Variants in ANK3 observed in about 807,000 individuals in gnomAD.
ANK3 encodes ankyrin 3, also known as ankyrin-3.
A neutral mutation model predicts 370.9 loss-of-function variants in ANK3; 57 were observed. That is an observed-to-expected ratio of 0.15 (90% CI 0.12 to 0.19). The LOEUF (loss-of-function observed/expected upper bound fraction) is 0.19. ANK3 is among the 10% of genes least tolerant of loss of function. ANK3 has a pLI of 1.00. For synonymous variants in ANK3, 1,929 were observed against 1,946.3 expected (o/e 0.99, Z 0.23); for missense variants, 4,439 against 5,302.1 (o/e 0.84, Z 5.06).
At chr10:60,344,546 G>A (rs1037829341) in intron 1 of ANK3, among the ~76,000 whole-genome samples, 3 of 152,162 alleles carry the variant, frequency 2.0e-5, no homozygotes, top group Non-Finnish European at 2.9e-5. Context: ...GTATTCCCAC[G>A]CACACGGGCC....
At chr10:60,646,167 A>C (rs534547669) in intron 1 of ANK3, among the ~76,000 whole-genome samples, 2 of 151,452 alleles carry the variant, frequency 1.3e-5, no homozygotes, top group Non-Finnish European at 2.9e-5. Context: ...GAAAAAAAAG[A>C]AAAAAAAAGC....
chr10:60,440,406 T>C (rs1052633004), intron 2 of ANK3, among the ~76,000 whole-genome samples: 3 of 152,082 alleles, frequency 2.0e-5, no homozygotes, highest in Non-Finnish European at 4.4e-5. Flanking sequence ...GGCATCTTCT[T>C]CACAAGGCAG....
In ANK3 at chr10:60,336,508, G is replaced by T. The variant is rs2052930786; in HGVS notation, c.114+52917C>A. 2.6e-5 allele frequency among the ~76,000 whole-genome samples: 4 copies of T among 152,072 alleles called. No individual in the cohort carries two copies. The South Asian group carries it at 8.3e-4, about 32-fold the overall frequency. On this transcript the variant is annotated intron_variant, in intron 1 of 43. Transcript: ENST00000280772. The stretch of plus-strand genomic sequence containing the variant: ...CACAAACACATATACACACAGAAAA[G>T]CACAATGCCAAAATGGTCATAGTAG...
intron 18 of ANK3, among the ~76,000 whole-genome samples, chr10:60,174,370 T>C (rs918778566): frequency 1.3e-5 from 2 of 152,178 alleles, no homozygotes; most frequent in African/African-American, 4.8e-5. Context: ...CGCTACTGAA[T>C]ACACGATGGA....
intron 1 of ANK3, among the ~76,000 whole-genome samples, chr10:60,328,007 A>T (rs1180844379): frequency 6.6e-6 from 1 of 152,176 alleles, no homozygotes; most frequent in Non-Finnish European, 1.5e-5. Flanking sequence ...CATCAATTAA[A>T]TAAACTCTTT....
intron 1 of ANK3, among the ~76,000 whole-genome samples, chr10:60,730,913 A>G (rs1454957199): frequency 6.6e-6 from 1 of 152,226 alleles, no homozygotes; most frequent in African/African-American, 2.4e-5. Flanking sequence ...TAAAAGTGTC[A>G]GATAGTTGGA....
intron 1 of ANK3, among the ~76,000 whole-genome samples, chr10:60,285,915 T>C (rs942144871): frequency 1.3e-5 from 2 of 152,266 alleles, no homozygotes; most frequent in African/African-American, 4.8e-5. Flanking sequence ...AACTCTCTGA[T>C]TACCTTTTTT....
chr10:60,561,745 C>A (rs2077339664), intron 2 of ANK3, among the ~76,000 whole-genome samples: 1 of 152,178 alleles, frequency 6.6e-6, no homozygotes, highest in African/African-American at 2.4e-5. Context: ...CAAGGCCTTT[C>A]CCAAGCCATT....
intron 1 of ANK3, among the ~76,000 whole-genome samples, chr10:60,685,545 T>G (rs1411332088): frequency 1.3e-5 from 2 of 152,214 alleles, no homozygotes; most frequent in Non-Finnish European, 2.9e-5. Flanking sequence ...TGCTGAAGAT[T>G]TACAACAGGT....
chr10:60,322,256 T>G (rs2048835803), intron 1 of ANK3, among the ~76,000 whole-genome samples: 1 of 152,186 alleles, frequency 6.6e-6, no homozygotes, highest in Non-Finnish European at 1.5e-5. Flanking sequence ...CTGTTAAAAT[T>G]TCTTTAGTAC....
intron 1 of ANK3, among the ~76,000 whole-genome samples, chr10:60,366,387 A>G (rs904805773): frequency 1.3e-5 from 2 of 152,098 alleles, no homozygotes; most frequent in African/African-American, 4.8e-5. Context: ...TTAAAGCCCA[A>G]CTGCTCTTTC....
chr10:60,332,157 T>A (rs2051506639), intron 1 of ANK3, among the ~76,000 whole-genome samples: 1 of 152,200 alleles, frequency 6.6e-6, no homozygotes, highest in South Asian at 2.1e-4. Flanking sequence ...AATTAAGACA[T>A]CCTTCCATCT....
chr10:60,341,669 G>T (rs1178533299), intron 1 of ANK3, among the ~76,000 whole-genome samples: 1 of 152,118 alleles, frequency 6.6e-6, no homozygotes, highest in African/African-American at 2.4e-5. Flanking sequence ...GATCGTGCCT[G>T]GTTCCTTTTT....
intron 2 of ANK3, among the ~76,000 whole-genome samples, chr10:60,499,282 C>A (rs1049593134): frequency 6.6e-6 from 1 of 152,134 alleles, no homozygotes; most frequent in Non-Finnish European, 1.5e-5. Context: ...TTATAATACA[C>A]CATGCGAAAA....
intron 1 of ANK3, among the ~76,000 whole-genome samples, chr10:60,355,137 T>C (rs928141214): frequency 6.6e-6 from 1 of 152,200 alleles, no homozygotes; most frequent in Non-Finnish European, 1.5e-5. Context: ...TCCCGGGTAT[T>C]GAGGCTATTC....
At chr10:60,243,400 A>G (rs115106740) in intron 7 of ANK3, among the ~76,000 whole-genome samples, 1,554 of 152,298 alleles carry the variant, frequency 0.01, 25 homozygotes, top group African/African-American at 0.036. Flanking sequence ...TGGTGGCTTT[A>G]TAAGAAGAGG....
intron 1 of ANK3, among the ~76,000 whole-genome samples, chr10:60,682,712 C>A (rs184915341): frequency 6.6e-6 from 1 of 152,318 alleles, no homozygotes; most frequent in East Asian, 1.9e-4. Flanking sequence ...GAGAGAGTTT[C>A]CAGAGAGCTG....
chr10:60,033,273 G>T (rs2074113274), intron 43 of ANK3, among the ~76,000 whole-genome samples: 1 of 152,044 alleles, frequency 6.6e-6, no homozygotes, highest in Admixed American at 6.5e-5. Flanking sequence ...GCCAAGCCGG[G>T]GGCAGGGGAG....
chr10:60,724,314 C>T (rs1305812557), intron 1 of ANK3, among the ~76,000 whole-genome samples: 2 of 151,278 alleles, frequency 1.3e-5, no homozygotes, highest in African/African-American at 2.4e-5. Flanking sequence ...AGAACTGTAC[C>T]TAGTAAATCT....
Sources: gnomAD v4.1 joint callset for allele counts (sites outside exome capture counted in the v4.1 genomes callset) on GRCh38, gnomAD v4.1.1 for gene constraint, MANE v1.5 for transcripts, NCBI Gene and HGNC (gene_info 2026-07-23, HGNC 2026-07-21) for gene names.